CSNK1A1: variants seen among roughly 807,000 people sequenced by gnomAD.
CSNK1A1 encodes casein kinase I isoform alpha.
Under a neutral mutation model 46.1 loss-of-function variants are expected in CSNK1A1, and 7 were observed. The ratio of observed to expected loss-of-function variants is 0.15; its 90% CI spans 0.09 to 0.29. The LOEUF (loss-of-function observed/expected upper bound fraction) is 0.29. CSNK1A1 is among the 10% of genes least tolerant of loss of function. CSNK1A1 has a pLI of 1.00. For missense variants in CSNK1A1, 96 were observed against 417.1 expected (o/e 0.23, Z 6.71); for synonymous variants, 137 against 141.5 (o/e 0.97, Z 0.23).
At chr5:149,516,346 C>CA (rs34499682) in intron 4 of CSNK1A1, among the ~76,000 whole-genome samples, 286 of 151,576 alleles carry the variant, frequency 1.9e-3, no homozygotes, top group Non-Finnish European at 3.2e-3. Context: ...AAAAACCCCC[C>CA]AAAAAAAACA....
At chr5:149,503,446 C>T (rs781411468) in intron 9 of CSNK1A1, 431 of 985,252 alleles carry the variant, frequency 4.4e-4, no homozygotes, top group Non-Finnish European at 5.0e-4. Flanking sequence ...AGATGTACTG[C>T]CTTGGAAGTG....
At position 149,546,978 on chromosome 5, in the gene CSNK1A1, T is replaced by C. The variant is rs112317705; in HGVS notation, c.230+3097A>G. Among the ~76,000 whole-genome samples, 149 of 152,284 alleles carry C rather than the reference T, an allele frequency of 9.8e-4. 2 individuals carry two copies. The highest frequency in any genetic ancestry group is 3.3e-3 in the African/African-American group (139 of 41,560). On this transcript the variant is annotated intron_variant, in intron 2 of 9. Coordinates refer to ENST00000377843, the MANE Select transcript of CSNK1A1 (RefSeq NM_001892.6). Reference sequence around the variant, plus strand: ...GCTTCAGTGGAAACAGTTTTTTTTTTACATTTCACTTTAAAACCAATGAAC... The same window carrying C: ...GCTTCAGTGGAAACAGTTTTTTTTTCACATTTCACTTTAAAACCAATGAAC...
Position 149,502,701 on chromosome 5 carries a change from T to C in CSNK1A1, c.1006+2746A>G, listed in dbSNP as rs190862468. On this transcript the variant is annotated intron_variant, in intron 9 of 9. Transcript: ENST00000377843. ...AAAGTTTTTAACAAGAAAACCCCAGTAGGATGTTTTCATCATTATTAAAAC... is the reference window on the plus strand; with the variant it reads ...AAAGTTTTTAACAAGAAAACCCCAGCAGGATGTTTTCATCATTATTAAAAC... 4 of 984,838 alleles carry C rather than the reference T, an allele frequency of 4.1e-6. No homozygotes were observed. In the African/African-American group the frequency reaches 5.2e-5, roughly 13 times the overall value. The allele number at this position is 984,838 out of a possible 1,614,324, so 61.0% of individuals were successfully genotyped here.
chr5:149,548,687 T>A (rs1237937741), intron 2 of CSNK1A1, among the ~76,000 whole-genome samples: 1 of 150,738 alleles, frequency 6.6e-6, no homozygotes, highest in African/African-American at 2.4e-5. Context: ...GTGGTGAAAC[T>A]AAAATACAAA....
chr5:149,545,427 C>A, intron 2 of CSNK1A1: 1 of 534,836 alleles, frequency 1.9e-6, no homozygotes, highest in Non-Finnish European at 3.4e-6. Context: ...TTGGGAGGAG[C>A]CTGAGCTGGA....
intron 9 of CSNK1A1, chr5:149,502,048 TAAGG>T: frequency 1.0e-6 from 1 of 983,254 alleles, no homozygotes; most frequent in Non-Finnish European, 1.2e-6. Flanking sequence ...CTAAAGAATA[TAAGG>T]AAGGCAGAAG....
At chr5:149,535,348 TTGC>T (rs1245357076) in intron 2 of CSNK1A1, among the ~76,000 whole-genome samples, 6 of 152,176 alleles carry the variant, frequency 3.9e-5, no homozygotes, top group Non-Finnish European at 7.3e-5. Flanking sequence ...AGTTCTGTAT[TTGC>T]TGCTAACTTT....
At chr5:149,519,076 A>G (rs1400391838) in intron 4 of CSNK1A1, among the ~76,000 whole-genome samples, 1 of 152,162 alleles carries the variant, frequency 6.6e-6, no homozygotes, top group African/African-American at 2.4e-5. Flanking sequence ...AAAAGCTATA[A>G]AATATTTTTT....
Position 149,497,515 on chromosome 5 carries a change from C to T in CSNK1A1, c.1007-655G>A, listed in dbSNP as rs189813530. The T allele has an allele frequency of 1.7e-4, 164 of 985,624 alleles. No homozygotes were observed. In the African/African-American group the frequency reaches 2.8e-3, roughly 17 times the overall value. The allele number at this position is 985,624 out of a possible 1,614,324, so 61.1% of individuals were successfully genotyped here. On this transcript the variant is annotated intron_variant, in intron 9 of 9. Coordinates refer to ENST00000377843, the MANE Select transcript of CSNK1A1 (RefSeq NM_001892.6). ...ACATTCTACAAATACTTCCCTCCTC[C>T]ACCACAAGTAGACCCTAGGGCCTCT...
intron 2 of CSNK1A1, chr5:149,545,771 T>C (rs1207278940): frequency 1.1e-5 from 7 of 620,658 alleles, no homozygotes; most frequent in East Asian, 3.4e-5. Flanking sequence ...GGACTGGTTG[T>C]GTGTGGTGTG....
intron 2 of CSNK1A1, among the ~76,000 whole-genome samples, chr5:149,542,733 T>C (rs1481953084): frequency 3.2e-5 from 4 of 126,634 alleles, no homozygotes. Context: ...GCTCGCTCTG[T>C]CACCCAGGCT....
chr5:149,520,064 AT>A (rs1303932631), intron 4 of CSNK1A1, among the ~76,000 whole-genome samples: 1 of 152,224 alleles, frequency 6.6e-6, no homozygotes, highest in Non-Finnish European at 1.5e-5. Context: ...AGAATTTTAT[AT>A]TTCCATATAG....
At chr5:149,518,017 A>T (rs1398931329) in intron 4 of CSNK1A1, 3 of 545,174 alleles carry the variant, frequency 5.5e-6, no homozygotes, top group Admixed American at 3.4e-5. Context: ...CAAGCACTGT[A>T]GCTTCTCAGT....
chr5:149,496,384 CA>C lies in CSNK1A1; in HGVS notation c.*468del, dbSNP rs1760653904. 6.5e-6 allele frequency: 1 copy of C among 154,278 alleles called. No individual in the cohort carries two copies. Among genetic ancestry groups the C allele is most frequent in the African/African-American group, 2.4e-5 (1 of 41,484 alleles). The allele number at this position is 154,278 out of a possible 1,614,324, so 9.6% of individuals were successfully genotyped here. ...AAGAATGTTTTAAGTGAACAACTTG[CA>C]AACCCCAGGGATGGAAAAACCCTAA... On this transcript the variant is annotated 3_prime_UTR_variant, in exon 10 of 10. Transcript: ENST00000377843.
chr5:149,514,739 T>C (rs548661922), intron 4 of CSNK1A1, among the ~76,000 whole-genome samples: 15 of 152,310 alleles, frequency 9.8e-5, no homozygotes, highest in African/African-American at 3.6e-4. Flanking sequence ...AGCCAAGCAT[T>C]ATAACCTATT....
chr5:149,525,500 C>T lies in CSNK1A1; in HGVS notation c.231-329G>A, dbSNP rs1010663545. ...CCTTTACCAAATTCCTTAATCTCAC[C>T]TGAATTTACTTTGTAACTGAAGAAA... On this transcript the variant is annotated intron_variant, in intron 2 of 9. Coordinates refer to ENST00000377843, the MANE Select transcript of CSNK1A1 (RefSeq NM_001892.6). This position sits in a 1 kb window ranked among gnomAD's most constrained non-coding sequence, Gnocchi z 4.2. Among the ~76,000 whole-genome samples the T allele has an allele frequency of 1.3e-5, 2 of 152,160 alleles. No individual in the cohort carries two copies. The highest frequency in any genetic ancestry group is 1.3e-4 in the Admixed American group (2 of 15,278).
At chr5:149,546,154 G>A (rs1485934945) in intron 2 of CSNK1A1, among the ~76,000 whole-genome samples, 13 of 150,722 alleles carry the variant, frequency 8.6e-5, no homozygotes, top group Non-Finnish European at 1.3e-4. Flanking sequence ...TGCCCACCTC[G>A]GCCTCCCAAA....
chr5:149,545,406 C>A (rs749366915), intron 2 of CSNK1A1: 1 of 509,920 alleles, frequency 2.0e-6, no homozygotes, highest in Non-Finnish European at 3.5e-6. Context: ...TTTGTAGGGG[C>A]CTGAGAGCCT....
At chr5:149,526,566 T>C (rs777105393) in intron 2 of CSNK1A1, among the ~76,000 whole-genome samples, 1 of 152,222 alleles carries the variant, frequency 6.6e-6, no homozygotes, top group Admixed American at 6.5e-5. Context: ...TAAATGCCAA[T>C]GATTCAAGAA....
Sources: gnomAD v4.1 joint callset for allele counts (sites outside exome capture counted in the v4.1 genomes callset) on GRCh38, gnomAD v4.1.1 for gene constraint, Gnocchi (gnomAD v3.1) non-coding constraint, MANE v1.5 for transcripts, NCBI Gene and HGNC (gene_info 2026-07-23, HGNC 2026-07-21) for gene names.